Variants in UGT1A7 observed in about 807,000 individuals in gnomAD.
The protein encoded by UGT1A7 is UDP glucuronosyltransferase family 1 member A7, also known as UDP-glucuronosyltransferase 1A7.
A neutral mutation model predicts 45.6 loss-of-function variants in UGT1A7; 33 were observed. The ratio of observed to expected loss-of-function variants is 0.72; its 90% CI spans 0.55 to 0.97. The LOEUF is 0.97. UGT1A7 is among the 50% of genes least tolerant of loss of function. UGT1A7 has a pLI of 0.00. For synonymous variants in UGT1A7, 274 were observed against 250.6 expected (o/e 1.09, Z -0.88); for missense variants, 684 against 666.2 (o/e 1.03, Z -0.29).
chr2:233,769,513 C>T lies in UGT1A7; in HGVS notation c.1295+1074C>T, dbSNP rs1575843812. ...TATGAGAGTGTCCATTGCTTTCTCC[C>T]ATGGTTACCTCCTTTAGAAAGAAGC... On this transcript the variant is annotated intron_variant, in intron 4 of 4. Coordinates refer to ENST00000373426, the MANE Select transcript of UGT1A7 (RefSeq NM_019077.3). This position sits in a 1 kb window ranked among gnomAD's most constrained non-coding sequence, Gnocchi z 4.4. 6.2e-7 allele frequency: 1 copy of T among 1,612,680 alleles called. No homozygotes were observed. The highest frequency in any genetic ancestry group is 8.5e-7 in the Non-Finnish European group (1 of 1,179,866).
At chr2:233,714,579 T>G (rs2125639821) in intron 1 of UGT1A7, among the ~76,000 whole-genome samples, 1 of 152,344 alleles carries the variant, frequency 6.6e-6, no homozygotes, top group Middle Eastern at 3.4e-3. Flanking sequence ...ACATACATAA[T>G]TTAAACTTTT....
chr2:233,753,749 G>A (rs143381120), intron 1 of UGT1A7: 2 of 152,342 alleles, frequency 1.3e-5, no homozygotes, highest in African/African-American at 4.8e-5. Context: ...CAATAGGACA[G>A]TTTTGCGTGG....
chr2:233,706,733 A>G (rs2075921248), intron 1 of UGT1A7, among the ~76,000 whole-genome samples: 1 of 152,222 alleles, frequency 6.6e-6, no homozygotes, highest in African/African-American at 2.4e-5. Flanking sequence ...CAGGGTTGAC[A>G]GTGACTGTGA....
intron 1 of UGT1A7, among the ~76,000 whole-genome samples, chr2:233,760,062 T>A (rs957059658): frequency 6.6e-5 from 10 of 152,144 alleles, no homozygotes; most frequent in African/African-American, 2.4e-4. Context: ...AGAATGTGAT[T>A]TGAGTATGAA....
intron 1 of UGT1A7, chr2:233,742,758 T>C (rs1302155264): frequency 1.3e-5 from 2 of 153,094 alleles, no homozygotes. Flanking sequence ...AATATTAAGA[T>C]AATAAATGCA....
intron 1 of UGT1A7, among the ~76,000 whole-genome samples, chr2:233,699,882 A>T (rs1053068839): frequency 4.6e-5 from 7 of 152,168 alleles, no homozygotes; most frequent in African/African-American, 1.7e-4. Context: ...TGGTGTTGCA[A>T]TTGGAGAGGC....
chr2:233,705,804 T>G (rs1381570843), intron 1 of UGT1A7, among the ~76,000 whole-genome samples: 1 of 152,110 alleles, frequency 6.6e-6, no homozygotes, highest in African/African-American at 2.4e-5. Flanking sequence ...GTTCAAAAAT[T>G]ATTAAGAATT....
At chr2:233,747,106 C>T (rs1693563001) in intron 1 of UGT1A7, 1 of 1,377,620 alleles carries the variant, frequency 7.3e-7, no homozygotes, top group African/African-American at 1.5e-5. Context: ...CTTCCAATTA[C>T]ATGATGATTT....
At chr2:233,761,015 C>A (rs568151745) in intron 1 of UGT1A7, 1 of 1,614,218 alleles carries the variant, frequency 6.2e-7, no homozygotes, top group Admixed American at 1.7e-5. Flanking sequence ...AGAGAGGTGA[C>A]TGTCCAGGAC....
chr2:233,767,696 G>A (rs1360592219), intron 2 of UGT1A7, among the ~76,000 whole-genome samples, 153 bp from the exon 3 acceptor site: 3 of 152,166 alleles, frequency 2.0e-5, no homozygotes, highest in African/African-American at 7.2e-5. Flanking sequence ...GCCGGAAGTT[G>A]CCAGTCCTCA....
chr2:233,724,607 C>G (rs536726765), intron 1 of UGT1A7, among the ~76,000 whole-genome samples: 1,973 of 135,436 alleles, frequency 0.015, 114 homozygotes, highest in Non-Finnish European at 0.021. Context: ...GATGGGCGGC[C>G]GGGCAGAGAC....
chr2:233,723,201 A>T (rs11677089), intron 1 of UGT1A7, among the ~76,000 whole-genome samples: 2,577 of 129,328 alleles, frequency 0.02, 30 homozygotes, highest in Non-Finnish European at 0.026. Context: ...TGGTAAAAAA[A>T]GTCAAAACTG....
intron 1 of UGT1A7, chr2:233,743,989 C>T: frequency 7.9e-7 from 1 of 1,273,692 alleles, no homozygotes; most frequent in South Asian, 1.3e-5. Context: ...AGGCGCAGGC[C>T]CGAGTGCTCG....
At chr2:233,762,916 A>C (rs1698195607) in intron 1 of UGT1A7, among the ~76,000 whole-genome samples, 2 of 152,252 alleles carry the variant, frequency 1.3e-5, no homozygotes, top group African/African-American at 4.8e-5. Flanking sequence ...TATTGAATTT[A>C]TTAGAATCTC....
chr2:233,724,355 C>T (rs1465005246), intron 1 of UGT1A7, among the ~76,000 whole-genome samples: 1 of 148,690 alleles, frequency 6.7e-6, no homozygotes, highest in Admixed American at 6.7e-5. Flanking sequence ...CCCCACCTCC[C>T]TCCCGGACGG....
intron 1 of UGT1A7, chr2:233,743,705 G>A (rs756391897): frequency 8.8e-6 from 12 of 1,367,306 alleles, no homozygotes; most frequent in South Asian, 2.3e-5. Context: ...CTCCGCCCCC[G>A]CCTCGCCATA....
At chr2:233,694,020 G>A (rs1390439150) in intron 1 of UGT1A7, among the ~76,000 whole-genome samples, 1 of 152,202 alleles carries the variant, frequency 6.6e-6, no homozygotes, top group African/African-American at 2.4e-5. Context: ...GAACACATAG[G>A]AGACCTGAGG....
At position 233,682,630 on chromosome 2, in the gene UGT1A7, C is replaced by T; in HGVS notation, c.693C>T (p.Ala231=). The part of the protein sequence containing the change: ...PYFFKNVLEI[A]SEILQTPVTA... ...TTTTCAAAAATGTCTTAGAAATAGC[C>T]TCTGAAATTCTCCAAACCCCTGTCA... The change falls in exon 1 of 5, where the codon GCC becomes GCT. Residue 231 remains alanine (A), a synonymous_variant. Coordinates refer to ENST00000373426, the MANE Select transcript of UGT1A7 (RefSeq NM_019077.3). The T allele has an allele frequency of 2.5e-6, 4 of 1,613,892 alleles. No homozygotes were observed. The highest frequency in any genetic ancestry group is 3.4e-6 in the Non-Finnish European group (4 of 1,179,824).
At chr2:233,761,879 T>C (rs1697890681) in intron 1 of UGT1A7, among the ~76,000 whole-genome samples, 1 of 152,212 alleles carries the variant, frequency 6.6e-6, no homozygotes, top group Admixed American at 6.5e-5. Flanking sequence ...AGAGCGTTCA[T>C]TCACTTATCC....
Sources: gnomAD v4.1 joint callset for allele counts (sites outside exome capture counted in the v4.1 genomes callset) on GRCh38, gnomAD v4.1.1 for gene constraint, Gnocchi (gnomAD v3.1) non-coding constraint, MANE v1.5 for transcripts, NCBI Gene and HGNC (gene_info 2026-07-23, HGNC 2026-07-21) for gene names.